TMEM132B: variants seen among roughly 807,000 people sequenced by gnomAD.
TMEM132B encodes the protein transmembrane protein 132B.
A neutral mutation model predicts 90.8 loss-of-function variants in TMEM132B; 18 were observed. That is an observed-to-expected ratio of 0.20 (90% CI 0.14 to 0.29). The LOEUF (loss-of-function observed/expected upper bound fraction) is 0.29. Among genes scored for constraint, TMEM132B ranks in the 10% least tolerant of loss-of-function variants. The pLI is 1.00. For missense variants in TMEM132B, 1,096 were observed against 1,326.8 expected, an observed-to-expected ratio of 0.83 and a Z score of 2.70; for synonymous variants, 504 against 523.3, an observed-to-expected ratio of 0.96 and a Z score of 0.50.
intron 1 of TMEM132B, among the ~76,000 whole-genome samples, chr12:125,345,525 G>A (rs1161978485): frequency 1.3e-5 from 2 of 152,180 alleles, no homozygotes; most frequent in Admixed American, 6.5e-5. Context: ...GGCACCCTGT[G>A]AGTTGCTTCA....
intron 5 of TMEM132B, among the ~76,000 whole-genome samples, chr12:125,615,199 G>C (rs1022041048): frequency 1.3e-5 from 2 of 151,946 alleles, no homozygotes; most frequent in African/African-American, 4.8e-5. Context: ...TAGATGTGTA[G>C]ACTAAAATTT....
chr12:125,597,118 A>T (rs1026487412), intron 5 of TMEM132B, among the ~76,000 whole-genome samples: 49 of 152,228 alleles, frequency 3.2e-4, no homozygotes, highest in African/African-American at 1.2e-3. Context: ...AGTCATGTAT[A>T]ATAAAGAAGA....
chr12:125,647,897 CTTT>C (rs757137864), intron 6 of TMEM132B, among the ~76,000 whole-genome samples: 8,967 of 135,240 alleles, frequency 0.066, 345 homozygotes, highest in African/African-American at 0.1. Context: ...CAATTGTATC[CTTT>C]TTTTTTTTTT....
intron 1 of TMEM132B, among the ~76,000 whole-genome samples, chr12:125,245,016 C>G (rs1209952857): frequency 1.3e-5 from 2 of 152,136 alleles, no homozygotes; most frequent in Non-Finnish European, 2.9e-5. Context: ...CAGTCAGCAC[C>G]GACCATCTCT....
At chr12:125,348,983 A>G (rs930339743) in intron 1 of TMEM132B, among the ~76,000 whole-genome samples, 6 of 152,210 alleles carry the variant, frequency 3.9e-5, no homozygotes, top group Non-Finnish European at 8.8e-5. Flanking sequence ...TAGAGATGTC[A>G]TCATGTCCAC....
At chr12:125,594,078 C>G (rs1005027410) in intron 5 of TMEM132B, among the ~76,000 whole-genome samples, 2 of 152,172 alleles carry the variant, frequency 1.3e-5, no homozygotes, top group Admixed American at 1.3e-4. Context: ...TCCACTTGTT[C>G]CCAGATAGCC....
At chr12:125,585,626 C>T (rs1396710325) in intron 5 of TMEM132B, 4 of 152,226 alleles carry the variant, frequency 2.6e-5, no homozygotes, top group African/African-American at 9.7e-5. Flanking sequence ...TCCTCCTTCT[C>T]TTGCCCTGAA....
In TMEM132B at chr12:125,459,426, C is replaced by T. The variant is rs1448581589; in HGVS notation, c.1106+43749C>T. ...ATGAAATAAGCCAGACACAGAAAGA[C>T]AAACATTGCTTGTTCTCACTTATTT... On this transcript the variant is annotated intron_variant, in intron 3 of 8. Coordinates refer to ENST00000682704, the MANE Select transcript of TMEM132B (RefSeq NM_001366854.1). This position sits in a 1 kb window ranked among gnomAD's most constrained non-coding sequence, Gnocchi z 4.1. Among the ~76,000 whole-genome samples, 1 of 152,012 alleles carries T rather than the reference C, an allele frequency of 6.6e-6. No individual in the cohort carries two copies. Among genetic ancestry groups the T allele is most frequent in the Admixed American group, 6.6e-5 (1 of 15,256 alleles).
intron 3 of TMEM132B, among the ~76,000 whole-genome samples, chr12:125,432,528 T>TATAGAGAGAGAGAGAG (rs1458075923): frequency 2.6e-5 from 1 of 39,128 alleles, no homozygotes; most frequent in African/African-American, 1.2e-4. Context: ...TATATATATA[T>TATAGAGAGAGAGAGAG]AGAGAGAGAG....
chr12:125,514,772 A>T (rs1245096655), intron 3 of TMEM132B, among the ~76,000 whole-genome samples: 1 of 152,100 alleles, frequency 6.6e-6, no homozygotes, highest in Admixed American at 6.5e-5. Flanking sequence ...CCTGTGAAGC[A>T]GTCACTCTTG....
At chr12:125,285,784 G>C (rs1343303255) in intron 1 of TMEM132B, among the ~76,000 whole-genome samples, 1 of 152,216 alleles carries the variant, frequency 6.6e-6, no homozygotes, top group African/African-American at 2.4e-5. Context: ...GGCCTGGCCT[G>C]GGGCGTCGCC....
At chr12:125,601,630 GAGAT>G (rs1885573618) in intron 5 of TMEM132B, among the ~76,000 whole-genome samples, 1 of 152,038 alleles carries the variant, frequency 6.6e-6, no homozygotes, top group African/African-American at 2.4e-5. Context: ...AGAACTGAAG[GAGAT>G]AGAGACATGA....
At chr12:125,581,925 G>A (rs1211419789) in intron 4 of TMEM132B, among the ~76,000 whole-genome samples, 3 of 152,060 alleles carry the variant, frequency 2.0e-5, no homozygotes, top group Non-Finnish European at 4.4e-5. Flanking sequence ...TAAGCTCCCC[G>A]GGCAGAGGGG....
intron 1 of TMEM132B, among the ~76,000 whole-genome samples, chr12:125,346,082 A>T (rs894525640): frequency 6.6e-6 from 1 of 152,194 alleles, no homozygotes; most frequent in South Asian, 2.1e-4. Context: ...TTCCATATAC[A>T]CTTTCAGACA....
At chr12:125,298,562 T>G (rs1187216799) in intron 1 of TMEM132B, among the ~76,000 whole-genome samples, 1 of 147,322 alleles carries the variant, frequency 6.8e-6, no homozygotes, top group Non-Finnish European at 1.5e-5. Flanking sequence ...TAATCCCAGC[T>G]GCTCGGGAGG....
chr12:125,376,687 A>T (rs1445873184), intron 2 of TMEM132B, among the ~76,000 whole-genome samples: 1 of 152,190 alleles, frequency 6.6e-6, no homozygotes, highest in Non-Finnish European at 1.5e-5. Flanking sequence ...AGGGAGGGGT[A>T]CAAAGAGAGC....
chr12:125,411,155 A>AGGAGTGGAGTGGAGT (rs1167104363), intron 2 of TMEM132B, among the ~76,000 whole-genome samples: 1 of 43,892 alleles, frequency 2.3e-5, no homozygotes, highest in Non-Finnish European at 4.6e-5. Context: ...AGTGGAGTGG[A>AGGAGTGGAGTGGAGT]GGAGTGGAGT....
At chr12:125,339,619 G>T (rs74676644) in intron 1 of TMEM132B, among the ~76,000 whole-genome samples, 1,575 of 152,246 alleles carry the variant, frequency 0.01, 27 homozygotes, top group African/African-American at 0.034. Context: ...GCTCTCTAAG[G>T]ACAATTAACC....
intron 5 of TMEM132B, among the ~76,000 whole-genome samples, chr12:125,636,041 G>C (rs1886471032): frequency 6.6e-6 from 1 of 152,124 alleles, no homozygotes; most frequent in Non-Finnish European, 1.5e-5. Flanking sequence ...GGGTGGTGGT[G>C]GTGATTCGAG....
Sources: gnomAD v4.1 joint callset for allele counts (sites outside exome capture counted in the v4.1 genomes callset) on GRCh38, gnomAD v4.1.1 for gene constraint, Gnocchi (gnomAD v3.1) non-coding constraint, MANE v1.5 for transcripts, NCBI Gene and HGNC (gene_info 2026-07-23, HGNC 2026-07-21) for gene names.